The following DOK6 variants were observed in gnomAD, a reference collection of about 807,000 sequenced individuals.
DOK6 encodes docking protein 6.
In DOK6, 22 loss-of-function variants were observed where a neutral mutation model predicts 44.0. That is an observed-to-expected ratio of 0.50 (90% CI 0.36 to 0.71). The LOEUF (loss-of-function observed/expected upper bound fraction) is 0.71. Ranked by LOEUF, DOK6 falls within the 30% of genes least tolerant of loss-of-function variation. The pLI is 0.00. For synonymous variants in DOK6, 166 were observed against 145.5 expected, an observed-to-expected ratio of 1.14 and a Z score of -1.01; for missense variants, 340 against 416.4, an observed-to-expected ratio of 0.82 and a Z score of 1.60.
At chr18:69,485,850 G>A (rs1189915014) in intron 1 of DOK6, among the ~76,000 whole-genome samples, 2 of 149,696 alleles carry the variant, frequency 1.3e-5, no homozygotes, top group Non-Finnish European at 3.0e-5. Flanking sequence ...ATGTATGTGT[G>A]TATATATCCA....
intron 1 of DOK6, among the ~76,000 whole-genome samples, chr18:69,549,444 G>A (rs1002259261): frequency 2.0e-5 from 3 of 151,458 alleles, no homozygotes; most frequent in Non-Finnish European, 4.4e-5. Context: ...CATGAGATGG[G>A]TTGTTGCAGA....
At chr18:69,667,000 T>C (rs1985677447) in intron 3 of DOK6, among the ~76,000 whole-genome samples, 1 of 151,054 alleles carries the variant, frequency 6.6e-6, no homozygotes. Flanking sequence ...GGACCCCCCC[T>C]CCCCGCCATC....
At chr18:69,674,834 T>C (rs1022543723) in intron 3 of DOK6, among the ~76,000 whole-genome samples, 3 of 152,104 alleles carry the variant, frequency 2.0e-5, no homozygotes, top group African/African-American at 4.8e-5. Context: ...TCTATGATTA[T>C]TGAGAGCAGA....
chr18:69,553,743 T>C (rs1033193872), intron 1 of DOK6, among the ~76,000 whole-genome samples: 1 of 152,190 alleles, frequency 6.6e-6, no homozygotes, highest in African/African-American at 2.4e-5. Flanking sequence ...CAGACTCCAA[T>C]TGAAAATCCA....
intron 1 of DOK6, among the ~76,000 whole-genome samples, chr18:69,517,613 T>A (rs1481447485): frequency 2.0e-5 from 3 of 152,246 alleles, no homozygotes; most frequent in African/African-American, 7.2e-5. Context: ...TGTTCATTAT[T>A]ACTTTCAGTT....
intron 1 of DOK6, among the ~76,000 whole-genome samples, chr18:69,542,207 GGA>G: frequency 6.6e-6 from 1 of 151,418 alleles, no homozygotes; most frequent in African/African-American, 2.4e-5. Flanking sequence ...GGATTAAATA[GGA>G]AACCAACTTA....
intron 1 of DOK6, among the ~76,000 whole-genome samples, chr18:69,549,095 C>CAA (rs370363528): frequency 0.35 from 45,845 of 132,122 alleles, 9,236 homozygotes; most frequent in East Asian, 0.64. Context: ...GACTCCGTCT[C>CAA]AAAAAAAAAA....
At chr18:69,674,392 C>T (rs1183139777) in intron 3 of DOK6, among the ~76,000 whole-genome samples, 1 of 152,142 alleles carries the variant, frequency 6.6e-6, no homozygotes, top group African/African-American at 2.4e-5. Flanking sequence ...TGAACTGATA[C>T]TGTTTCTCAC....
At chr18:69,502,366 G>A (rs12605613) in intron 1 of DOK6, among the ~76,000 whole-genome samples, 45,544 of 151,744 alleles carry the variant, frequency 0.3, 7,194 homozygotes, top group East Asian at 0.58. Flanking sequence ...AGACACTGTG[G>A]GCCAAGAACA....
chr18:69,721,652 A>G (rs1978288843), intron 5 of DOK6, among the ~76,000 whole-genome samples: 1 of 152,260 alleles, frequency 6.6e-6, no homozygotes, highest in South Asian at 2.1e-4. Flanking sequence ...AATGCTAATT[A>G]TATTAGTTCT....
intron 1 of DOK6, among the ~76,000 whole-genome samples, chr18:69,557,720 A>G (rs1051655878): frequency 3.3e-5 from 5 of 152,098 alleles, no homozygotes; most frequent in African/African-American, 1.2e-4. Flanking sequence ...CATGTTTAGG[A>G]GATAGTTTTG....
intron 2 of DOK6, 108 bp from the exon 3 acceptor site, chr18:69,599,276 A>G: frequency 1.2e-6 from 1 of 802,668 alleles, no homozygotes; most frequent in Non-Finnish European, 1.9e-6. Context: ...GAGTACAAAT[A>G]TCCCGTGGAA....
At chr18:69,731,447 C>G (rs935781755) in intron 5 of DOK6, among the ~76,000 whole-genome samples, 2 of 152,026 alleles carry the variant, frequency 1.3e-5, no homozygotes, top group Non-Finnish European at 2.9e-5. Context: ...TAATTGTAAC[C>G]TGAGAATAAA....
At chr18:69,487,173 G>A (rs10513963) in intron 1 of DOK6, among the ~76,000 whole-genome samples, 31,321 of 138,848 alleles carry the variant, frequency 0.23, 3,977 homozygotes, top group East Asian at 0.55. Context: ...GGCACTGATA[G>A]GATATGTGTG....
intron 4 of DOK6, among the ~76,000 whole-genome samples, chr18:69,678,459 T>G (rs1985973824): frequency 6.6e-6 from 1 of 152,216 alleles, no homozygotes; most frequent in Non-Finnish European, 1.5e-5. Flanking sequence ...TCTTGGAGAC[T>G]TATTATAGAT....
intron 1 of DOK6, among the ~76,000 whole-genome samples, chr18:69,537,113 A>G (rs1982146238): frequency 6.6e-6 from 1 of 151,872 alleles, no homozygotes; most frequent in Non-Finnish European, 1.5e-5. Context: ...TGGGATTATA[A>G]GCGTGAGCCA....
chr18:69,816,875 T>C (rs943583932), intron 7 of DOK6, among the ~76,000 whole-genome samples: 18 of 152,138 alleles, frequency 1.2e-4, no homozygotes, highest in Non-Finnish European at 1.9e-4. Context: ...AGCAAAAACT[T>C]CAACAGGGTC....
chr18:69,604,127 T>C (rs1248033641), intron 3 of DOK6, among the ~76,000 whole-genome samples: 1 of 152,200 alleles, frequency 6.6e-6, no homozygotes, highest in Non-Finnish European at 1.5e-5. Context: ...ATAATTTCTA[T>C]ATCTGACTTT....
At chr18:69,623,548 T>G (rs1230460181) in intron 3 of DOK6, among the ~76,000 whole-genome samples, 2 of 152,104 alleles carry the variant, frequency 1.3e-5, no homozygotes, top group Non-Finnish European at 2.9e-5. Context: ...TCAAGAAAAA[T>G]TATTTGTCTT....
Sources: allele counts gnomAD v4.1 joint callset (sites outside exome capture counted in the v4.1 genomes callset), GRCh38; gene constraint gnomAD v4.1.1; transcripts MANE v1.5; gene names NCBI Gene and HGNC (gene_info 2026-07-23, HGNC 2026-07-21).